PLD5: variants seen among roughly 807,000 people sequenced by gnomAD.
The protein encoded by PLD5 is inactive phospholipase D5.
Under a neutral mutation model 61.1 loss-of-function variants are expected in PLD5, and 36 were observed. The ratio of observed to expected loss-of-function variants is 0.59; its 90% CI spans 0.45 to 0.78. The LOEUF (loss-of-function observed/expected upper bound fraction) is 0.78, where lower values mean the gene tolerates loss of function less well. Among genes scored for constraint, PLD5 ranks in the 30% least tolerant of loss-of-function variants. The pLI is 0.00. For synonymous variants in PLD5, 243 were observed against 242.8 expected (o/e 1.00, Z -0.01); for missense variants, 515 against 644.4 (o/e 0.80, Z 2.17).
intron 1 of PLD5, among the ~76,000 whole-genome samples, chr1:242,439,457 G>T (rs1334145549): frequency 6.6e-6 from 1 of 152,184 alleles, no homozygotes; most frequent in Admixed American, 6.5e-5. Flanking sequence ...CCTACATGTA[G>T]TTGGCCTGAT....
At chr1:242,282,768 C>T (rs1256125762) in intron 3 of PLD5, among the ~76,000 whole-genome samples, 1 of 151,912 alleles carries the variant, frequency 6.6e-6, no homozygotes, top group East Asian at 1.9e-4. Flanking sequence ...TTCATAAATT[C>T]CCATCATTTT....
At chr1:242,147,696 T>C (rs1664635137) in intron 5 of PLD5, 1 of 152,240 alleles carries the variant, frequency 6.6e-6, no homozygotes, top group South Asian at 2.1e-4. Context: ...TTTTTATGTT[T>C]TGAATATTTT....
intron 5 of PLD5, among the ~76,000 whole-genome samples, chr1:242,194,407 C>T (rs181793775): frequency 1.3e-5 from 2 of 152,158 alleles, no homozygotes; most frequent in Non-Finnish European, 2.9e-5. Context: ...GATCCAGCAA[C>T]TGCACTGCTG....
intron 5 of PLD5, among the ~76,000 whole-genome samples, chr1:242,215,560 T>C (rs1182582491): frequency 1.3e-5 from 2 of 152,154 alleles, no homozygotes; most frequent in Non-Finnish European, 2.9e-5. Context: ...TGAACAGTAA[T>C]GTATGGTGTG....
intron 5 of PLD5, among the ~76,000 whole-genome samples, chr1:242,217,532 G>A (rs1294006109): frequency 6.6e-6 from 1 of 151,328 alleles, no homozygotes; most frequent in Non-Finnish European, 1.5e-5. Context: ...GCTGAGGCAG[G>A]AGAATCACTT....
chr1:242,387,654 T>C (rs1662674289), intron 1 of PLD5, among the ~76,000 whole-genome samples: 1 of 142,152 alleles, frequency 7.0e-6, no homozygotes, highest in Non-Finnish European at 1.5e-5. Flanking sequence ...TTATCTATTT[T>C]ATATAAAATT....
At chr1:242,149,353 AT>A (rs1171573163) in intron 5 of PLD5, among the ~76,000 whole-genome samples, 4 of 151,778 alleles carry the variant, frequency 2.6e-5, no homozygotes, top group African/African-American at 9.7e-5. Context: ...CTACTTGATC[AT>A]TTTTTATACA....
At chr1:242,312,027 T>C (rs1558453745) in intron 2 of PLD5, among the ~76,000 whole-genome samples, 4 of 151,976 alleles carry the variant, frequency 2.6e-5, no homozygotes, top group Non-Finnish European at 4.4e-5. Context: ...AAATCACTTA[T>C]TGTGTTCTTC....
At chr1:242,518,404 C>A (rs1669172848) in intron 1 of PLD5, among the ~76,000 whole-genome samples, 1 of 152,152 alleles carries the variant, frequency 6.6e-6, no homozygotes, top group South Asian at 2.1e-4. Flanking sequence ...TTAATGTCCT[C>A]AATATATACA....
intron 5 of PLD5, among the ~76,000 whole-genome samples, chr1:242,145,595 C>T (rs1180515298): frequency 1.3e-5 from 2 of 151,978 alleles, no homozygotes; most frequent in East Asian, 3.9e-4. Context: ...ATGATAAGAA[C>T]TTTTTTTTAA....
rs6663633 is a variant in PLD5, at chr1:242,139,793, G to T, written c.736-15128C>A. Among the ~76,000 whole-genome samples the T allele has an allele frequency of 1.6e-3, 251 of 152,300 alleles. 1 individual carries two copies. The highest frequency in any genetic ancestry group is 5.5e-3 in the African/African-American group (228 of 41,570). Reference sequence around the variant, plus strand: ...ATTGGTGGATGCAGGCACCTCAGATGTAGTGCCTGCAATCAGTGGTCATTG... The same window carrying T: ...ATTGGTGGATGCAGGCACCTCAGATTTAGTGCCTGCAATCAGTGGTCATTG... On this transcript the variant is annotated intron_variant, in intron 5 of 9. Coordinates refer to ENST00000536534, the MANE Select transcript of PLD5 (RefSeq NM_001372062.1).
At chr1:242,397,781 C>CT (rs1663681952) in intron 1 of PLD5, among the ~76,000 whole-genome samples, 1 of 140,686 alleles carries the variant, frequency 7.1e-6, no homozygotes, top group African/African-American at 2.8e-5. Flanking sequence ...TCTTCTTCTT[C>CT]TTCTTTTTTT....
intron 2 of PLD5, among the ~76,000 whole-genome samples, chr1:242,310,764 G>A (rs892263769): frequency 2.0e-5 from 3 of 152,184 alleles, no homozygotes; most frequent in African/African-American, 7.2e-5. Context: ...TCTAGTGGAT[G>A]GGGCTGGAGG....
rs574891351 is a variant in PLD5, at chr1:242,470,092, G to A, written c.189+53996C>T. On this transcript the variant is annotated intron_variant, in intron 1 of 9. Coordinates refer to ENST00000536534, the MANE Select transcript of PLD5 (RefSeq NM_001372062.1). ...TGCGGTGGCTCATGCCTGTAATCCCGGCACTCTGGGAGACGGAGGCGGGCG... is the reference window on the plus strand; with the variant it reads ...TGCGGTGGCTCATGCCTGTAATCCCAGCACTCTGGGAGACGGAGGCGGGCG... Among the ~76,000 whole-genome samples, 257 of 152,146 alleles carry A rather than the reference G, an allele frequency of 1.7e-3. 3 individuals carry two copies. The highest frequency in any genetic ancestry group is 8.2e-4 in the Non-Finnish European group (56 of 68,002).
chr1:242,176,859 T>A (rs571750663), intron 5 of PLD5, among the ~76,000 whole-genome samples: 2 of 152,198 alleles, frequency 1.3e-5, no homozygotes, highest in African/African-American at 4.8e-5. Flanking sequence ...TAAATGCAAA[T>A]CAAAACCACA....
Position 242,524,366 on chromosome 1 carries a change from G to T in PLD5, c.-90C>A, listed in dbSNP as rs1669378410. 8.2e-7 allele frequency: 1 copy of T among 1,220,874 alleles called. No homozygotes were observed. The highest frequency in any genetic ancestry group is 1.1e-6 in the Non-Finnish European group (1 of 945,008). The allele number at this position is 1,220,874 out of a possible 1,614,324, so 75.6% of individuals were successfully genotyped here. On this transcript the variant is annotated 5_prime_UTR_variant, in exon 1 of 10. Coordinates refer to ENST00000536534, the MANE Select transcript of PLD5 (RefSeq NM_001372062.1). ...GCGGAGGGCGAGCGGGAGGCCCAGC[G>T]GGAGCCGGAGGTGGAGCTGGAGACT...
At chr1:242,519,577 T>G (rs917148995) in intron 1 of PLD5, among the ~76,000 whole-genome samples, 4 of 152,238 alleles carry the variant, frequency 2.6e-5, no homozygotes, top group Admixed American at 1.3e-4. Flanking sequence ...AAATGTTGCT[T>G]GACTTAATTC....
intron 1 of PLD5, among the ~76,000 whole-genome samples, chr1:242,486,180 A>T (rs1378337472): frequency 6.6e-6 from 1 of 152,190 alleles, no homozygotes; most frequent in Non-Finnish European, 1.5e-5. Context: ...CGAAAACACC[A>T]AAAGCAATGG....
At chr1:242,161,318 T>A (rs533240721) in intron 5 of PLD5, among the ~76,000 whole-genome samples, 84 of 151,922 alleles carry the variant, frequency 5.5e-4, no homozygotes, top group Admixed American at 1.1e-3. Flanking sequence ...AACCATCAGA[T>A]CTCGTGAGAC....
Sources: allele counts gnomAD v4.1 joint callset (sites outside exome capture counted in the v4.1 genomes callset), GRCh38; gene constraint gnomAD v4.1.1; transcripts MANE v1.5; gene names NCBI Gene and HGNC (gene_info 2026-07-23, HGNC 2026-07-21).